KDM3B: variants seen among roughly 807,000 people sequenced by gnomAD.
The protein encoded by KDM3B is lysine demethylase 3B, also known as lysine-specific demethylase 3B.
In KDM3B, 10 loss-of-function variants were observed where a neutral mutation model predicts 170.0. That is an observed-to-expected ratio of 0.06 (90% CI 0.04 to 0.10). The LOEUF is 0.10. Among genes scored for constraint, KDM3B ranks in the 10% least tolerant of loss-of-function variants. The pLI is 1.00. For missense variants in KDM3B, 1,394 were observed against 2,195.2 expected, an observed-to-expected ratio of 0.64 and a Z score of 7.29; for synonymous variants, 831 against 834.8, an observed-to-expected ratio of 1.00 and a Z score of 0.08.
In KDM3B at chr5:138,386,256, G is replaced by A; in HGVS notation, c.1015G>A (p.Ala339Thr). 1 of 1,614,162 alleles carries A rather than the reference G, an allele frequency of 6.2e-7. No individual in the cohort carries two copies. Among genetic ancestry groups the A allele is most frequent in the South Asian group, 1.1e-5 (1 of 91,080 alleles). Residue 339 changes from alanine to threonine, a missense_variant, in exon 7 of 24, where the codon GCC (alanine) becomes ACC (threonine). Ala to Thr is a moderately conservative substitution (Grantham distance 58). Coordinates refer to ENST00000314358, the MANE Select transcript of KDM3B (RefSeq NM_016604.4). ...TGGAGAGCCAGGGCTGGATCAGAGAGCCAAGCAGCCACCGTCTACATTTGT... is the reference window on the plus strand; with the variant it reads ...TGGAGAGCCAGGGCTGGATCAGAGAACCAAGCAGCCACCGTCTACATTTGT... ...ASGEPGLDQR[A>T]KQPPSTFVPQ...
At chr5:138,414,595 T>G (rs375233135) in intron 11 of KDM3B, among the ~76,000 whole-genome samples, 93 of 152,358 alleles carry the variant, frequency 6.1e-4, no homozygotes, top group South Asian at 3.3e-3. Context: ...ATTGTGGTAG[T>G]TGTTCATTCA....
chr5:138,415,086 CA>C (rs761709119), intron 11 of KDM3B, 45 bp from the exon 12 acceptor site: 2 of 1,317,958 alleles, frequency 1.5e-6, no homozygotes, highest in Non-Finnish European at 2.1e-6. Context: ...GAGAAGGATC[CA>C]TTTTTGTGAC....
At chr5:138,380,052 A>T (rs922055747) in intron 5 of KDM3B, among the ~76,000 whole-genome samples, 1 of 152,146 alleles carries the variant, frequency 6.6e-6, no homozygotes, top group Non-Finnish European at 1.5e-5. Context: ...CAGTGGTGCG[A>T]TCACAGCTCA....
Position 138,362,589 on chromosome 5 carries a change from ATATCT to A in KDM3B, c.192+9605_192+9609del, listed in dbSNP as rs746439294. On this transcript the variant is annotated intron_variant, in intron 1 of 23. Coordinates refer to ENST00000314358, the MANE Select transcript of KDM3B (RefSeq NM_016604.4). ...ACACACACACACACACACACACAAA[ATATCT>A]TAAGTGAATAGTGTACGTGGTTTAC... 2.5e-4 allele frequency among the ~76,000 whole-genome samples: 33 copies of A among 133,058 alleles called. 1 individual carries two copies. Among genetic ancestry groups the A allele is most frequent in the Admixed American group, 9.1e-4 (12 of 13,182 alleles). 87.3% of individuals were successfully genotyped at this position (133,058 alleles called of 152,430 possible).
chr5:138,366,222 G>T (rs1018425962), intron 1 of KDM3B, among the ~76,000 whole-genome samples: 9 of 151,942 alleles, frequency 5.9e-5, no homozygotes, highest in African/African-American at 2.2e-4. Flanking sequence ...CATAGTATAA[G>T]TTGTATTTTA....
chr5:138,433,665 T>A (rs1763597231), intron 23 of KDM3B, among the ~76,000 whole-genome samples: 2 of 151,828 alleles, frequency 1.3e-5, no homozygotes, highest in South Asian at 4.2e-4. Flanking sequence ...CGCCTCCACC[T>A]CCCAAAGCGC....
chr5:138,381,558 A>G lies in KDM3B; in HGVS notation c.748A>G (p.Met250Val). 1 of 1,605,772 alleles carries G rather than the reference A, an allele frequency of 6.2e-7. No individual in the cohort carries two copies. Among genetic ancestry groups the G allele is most frequent in the Non-Finnish European group, 8.5e-7 (1 of 1,172,248 alleles). ...GGTAGATCCCAGACTAATCCATGTGATGCTGATGGATAATTCAGCGCCTCA... is the reference window on the plus strand; with the variant it reads ...GGTAGATCCCAGACTAATCCATGTGGTGCTGATGGATAATTCAGCGCCTCA... ...KSVDPRLIHV[M>V]LMDNSAPQSE... The change falls in exon 6 of 24, where the codon ATG becomes GTG. Residue 250 changes from methionine (M) to valine (V), a missense_variant. Met to Val is a conservative substitution (Grantham distance 21, BLOSUM62 1). Transcript: ENST00000314358.
In KDM3B at chr5:138,366,959, A is replaced by C. The variant is rs530051300; in HGVS notation, c.193-5715A>C. Among the ~76,000 whole-genome samples, 35 of 152,296 alleles carry C rather than the reference A, an allele frequency of 2.3e-4. No individual in the cohort carries two copies. In the South Asian group the frequency reaches 6.4e-3, roughly 28 times the overall value. ...ACAGCTTACTTACTAGCCTCCTCCT[A>C]CTACTACTCCCAGAACACTTGATCT... On this transcript the variant is annotated intron_variant, in intron 1 of 23. Coordinates refer to ENST00000314358, the MANE Select transcript of KDM3B (RefSeq NM_016604.4).
At chr5:138,403,593 C>T (rs1156611207) in intron 11 of KDM3B, among the ~76,000 whole-genome samples, 1 of 151,510 alleles carries the variant, frequency 6.6e-6, no homozygotes, top group Non-Finnish European at 1.5e-5. Flanking sequence ...AGGAGAATCA[C>T]TTGAACCCGG....
chr5:138,378,186 C>A (rs1005766259), intron 4 of KDM3B, among the ~76,000 whole-genome samples: 2 of 152,036 alleles, frequency 1.3e-5, no homozygotes, highest in Non-Finnish European at 2.9e-5. Flanking sequence ...CTGGTTCATT[C>A]TGCATTTCAT....
chr5:138,371,492 T>C (rs1761874624), intron 1 of KDM3B, among the ~76,000 whole-genome samples: 1 of 151,710 alleles, frequency 6.6e-6, no homozygotes, highest in Non-Finnish European at 1.5e-5. Flanking sequence ...AAGCATAATA[T>C]TTATTAGAAA....
intron 7 of KDM3B, among the ~76,000 whole-genome samples, chr5:138,387,382 A>C (rs1762297237): frequency 6.6e-6 from 1 of 152,152 alleles, no homozygotes; most frequent in Admixed American, 6.6e-5. Context: ...CTATTAACTC[A>C]AGCTAAAATA....
rs1206564457 is a variant in KDM3B, at chr5:138,377,767, G to A, written c.522G>A (p.Leu174=). ...AGATTCTTTTGGAACATGCTGCACT[G>A]AGAGAAACAGTTAATGCTTTGATCA... ...QNQILLEHAA[L]RETVNALISD... The change falls in exon 4 of 24, where the codon CTG becomes CTA. Residue 174 remains leucine (L), a synonymous_variant. Coordinates refer to ENST00000314358, the MANE Select transcript of KDM3B (RefSeq NM_016604.4). 2 of 1,614,012 alleles carry A rather than the reference G, an allele frequency of 1.2e-6. No homozygotes were observed. Among genetic ancestry groups the A allele is most frequent in the South Asian group, 1.1e-5 (1 of 91,070 alleles).
chr5:138,400,127 C>T, intron 11 of KDM3B, 115 bp downstream of exon 11: 1 of 953,706 alleles, frequency 1.0e-6, no homozygotes, highest in South Asian at 2.0e-5. Flanking sequence ...AGCTGCTTGG[C>T]TTCATTCAAC....
intron 1 of KDM3B, among the ~76,000 whole-genome samples, chr5:138,367,725 A>G (rs921347433): frequency 6.6e-6 from 1 of 152,142 alleles, no homozygotes; most frequent in African/African-American, 2.4e-5. Flanking sequence ...CTTTTAAAAA[A>G]TTATCTCAGT....
intron 22 of KDM3B, among the ~76,000 whole-genome samples, chr5:138,431,026 T>C (rs530671051): frequency 6.6e-6 from 1 of 152,390 alleles, no homozygotes; most frequent in East Asian, 1.9e-4. Flanking sequence ...AGAGATAGCC[T>C]ACTGTTAACA....
intron 9 of KDM3B, among the ~76,000 whole-genome samples, chr5:138,394,854 A>G (rs1379932850): frequency 6.6e-6 from 1 of 152,218 alleles, no homozygotes; most frequent in Admixed American, 6.5e-5. Context: ...GGCTGTTGGA[A>G]TTATCCAAGT....
Position 138,416,616 on chromosome 5 carries a change from C to T in KDM3B, c.3308-867C>T, listed in dbSNP as rs982701174. The stretch of plus-strand genomic sequence containing the variant: ...AAAAAAAAAAAAAAAAAAAACATAA[C>T]AAAAAACCAAAGAAAACTTTGCTGG... On this transcript the variant is annotated intron_variant, in intron 12 of 23. Transcript: ENST00000314358. Among the ~76,000 whole-genome samples the T allele has an allele frequency of 7.2e-4, 98 of 136,772 alleles. 1 individual carries two copies. Among genetic ancestry groups the T allele is most frequent in the African/African-American group, 2.5e-3 (94 of 37,234 alleles). The allele number at this position is 136,772 out of a possible 152,430, so 89.7% of individuals were successfully genotyped here. A position where few individuals can be genotyped will look rare whatever the true frequency, so the allele number is the denominator to read the frequency against.
At chr5:138,372,418 G>A (rs1580886158) in intron 1 of KDM3B, among the ~76,000 whole-genome samples, 1 of 152,232 alleles carries the variant, frequency 6.6e-6, no homozygotes, top group Non-Finnish European at 1.5e-5. Flanking sequence ...ATTTCAGTAG[G>A]GACATGACTA....
Sources: gnomAD v4.1 joint callset for allele counts (sites outside exome capture counted in the v4.1 genomes callset) on GRCh38, gnomAD v4.1.1 for gene constraint, MANE v1.5 for transcripts, NCBI Gene and HGNC (gene_info 2026-07-23, HGNC 2026-07-21) for gene names.